The following PARPBP variants were observed in gnomAD, a reference collection of about 807,000 sequenced individuals.
PARPBP encodes PARP1 binding protein.
In PARPBP, 52 loss-of-function variants were observed where a neutral mutation model predicts 50.0. The observed-to-expected ratio is 1.04, with a 90% confidence interval of 0.83 to 1.31. PARPBP has a LOEUF of 1.31. Among genes scored for constraint, PARPBP ranks in the 50% most tolerant of loss-of-function variants. PARPBP has a pLI of 0.00. For synonymous variants in PARPBP, 244 were observed against 232.1 expected, an observed-to-expected ratio of 1.05 and a Z score of -0.47; for missense variants, 697 against 672.0, an observed-to-expected ratio of 1.04 and a Z score of -0.41.
intron 2 of PARPBP, among the ~76,000 whole-genome samples, chr12:102,141,836 C>G (rs1024690150): frequency 2.9e-4 from 44 of 152,162 alleles, no homozygotes; most frequent in Admixed American, 4.6e-4. Context: ...TGGCTTGTAG[C>G]GTTTCTGCCG....
intron 9 of PARPBP, among the ~76,000 whole-genome samples, chr12:102,191,201 C>T (rs1467018703): frequency 6.6e-6 from 1 of 152,072 alleles, no homozygotes; most frequent in Non-Finnish European, 1.5e-5. Flanking sequence ...AGTCAGGTGT[C>T]AGACTTCAAT....
chr12:102,133,875 G>A (rs962562369), intron 2 of PARPBP, among the ~76,000 whole-genome samples: 9 of 151,752 alleles, frequency 5.9e-5, no homozygotes, highest in Non-Finnish European at 1.2e-4. Flanking sequence ...ATTAACCAAC[G>A]GTTCGAAGAA....
rs140043679 is a variant in PARPBP, at chr12:102,148,422, G to T, written c.346G>T (p.Ala116Ser). Residue 116 changes from alanine (A) to serine (S), a missense_variant, in exon 3 of 11, where the codon GCT becomes TCT. Transcript: ENST00000327680. ...DLIDVYQKCR[A>S]LTSNCENYNT... ...GATTGATGTTTATCAAAAATGTAGG[G>T]CTTTGACTTCTAATTGTGAAAATTA... The T allele has an allele frequency of 6.2e-4, 949 of 1,526,322 alleles. 1 individual carries two copies. Among genetic ancestry groups the T allele is most frequent in the Non-Finnish European group, 7.9e-4 (878 of 1,104,614 alleles). 94.5% of individuals were successfully genotyped at this position (1,526,322 alleles called of 1,614,324 possible). A position where few individuals can be genotyped will look rare whatever the true frequency, so the allele number is the denominator to read the frequency against.
chr12:102,135,530 C>T (rs534151540), intron 2 of PARPBP, among the ~76,000 whole-genome samples: 49 of 122,354 alleles, frequency 4.0e-4, no homozygotes, highest in South Asian at 1.3e-3. Context: ...ACAGAGACTC[C>T]GTCTCCAAAA....
intron 6 of PARPBP, among the ~76,000 whole-genome samples, chr12:102,173,392 G>A (rs141105469): frequency 6.6e-6 from 1 of 152,254 alleles, no homozygotes; most frequent in Non-Finnish European, 1.5e-5. Flanking sequence ...CCAATTCAGT[G>A]TAGTAAGACA....
At chr12:102,194,309 A>G (rs1364870495) in intron 9 of PARPBP, among the ~76,000 whole-genome samples, 1 of 151,948 alleles carries the variant, frequency 6.6e-6, no homozygotes, top group Non-Finnish European at 1.5e-5. Flanking sequence ...GAAGTGTTAC[A>G]TTTTTGAATT....
intron 2 of PARPBP, among the ~76,000 whole-genome samples, chr12:102,139,854 G>C (rs554448914): frequency 6.6e-6 from 1 of 152,182 alleles, no homozygotes; most frequent in African/African-American, 2.4e-5. Context: ...TAGTGGATAA[G>C]CTTTTAGATG....
Position 102,120,231 on chromosome 12 carries a change from C to T in PARPBP, c.-59C>T, listed in dbSNP as rs1880767216. The stretch of plus-strand genomic sequence containing the variant: ...CTGCGGCGGCCGCGGGAGGGCATCC[C>T]GTTGGGGATCCTTCCGCACACTGAA... On this transcript the variant is annotated 5_prime_UTR_variant, in exon 1 of 11. Transcript: ENST00000327680. The T allele has an allele frequency of 1.4e-5, 3 of 219,328 alleles. No individual in the cohort carries two copies. The highest frequency in any genetic ancestry group is 1.2e-4 in the South Asian group (3 of 24,164). 13.6% of individuals were successfully genotyped at this position (219,328 alleles called of 1,614,324 possible).
intron 2 of PARPBP, among the ~76,000 whole-genome samples, chr12:102,134,639 A>G (rs1338620233): frequency 6.6e-6 from 1 of 152,002 alleles, no homozygotes; most frequent in Non-Finnish European, 1.5e-5. Context: ...TAGACTTTCT[A>G]TTCATATCCT....
At position 102,153,880 on chromosome 12, in the gene PARPBP, G is replaced by A; in HGVS notation, c.399G>A (p.Leu133=). Reference sequence around the variant, plus strand: ...TATGTTTTCTACAGAGTCAACTACTGGATTTTCTGTCTGGCAAACAGTATG... The same window carrying A: ...TATGTTTTCTACAGAGTCAACTACTAGATTTTCTGTCTGGCAAACAGTATG... ...NYNTVSPSQL[L]DFLSGKQYAV... Residue 133 remains leucine (L), a synonymous_variant, in exon 4 of 11, where the codon CTG becomes CTA. Transcript: ENST00000327680. 6.3e-7 allele frequency: 1 copy of A among 1,595,516 alleles called. No homozygotes were observed. Among genetic ancestry groups the A allele is most frequent in the African/African-American group, 1.3e-5 (1 of 74,582 alleles).
In PARPBP at chr12:102,196,749, C is replaced by T. The variant is rs199546666; in HGVS notation, c.*458C>T. 2.9e-4 allele frequency: 404 copies of T among 1,406,814 alleles called. 1 individual carries two copies. Among genetic ancestry groups the T allele is most frequent in the Non-Finnish European group, 4.8e-5 (48 of 997,622 alleles). 87.1% of individuals were successfully genotyped at this position (1,406,814 alleles called of 1,614,324 possible). ...ATTGTTTAAAGGACTATAATTATCA[C>T]ACAAAATTTATTAAGAAAAAAAGAA... is the stretch of plus-strand genomic sequence containing the variant. On this transcript the variant is annotated 3_prime_UTR_variant, in exon 11 of 11. Coordinates refer to ENST00000327680, the MANE Select transcript of PARPBP (RefSeq NM_017915.5).
Position 102,195,939 on chromosome 12 carries a change from C to G in PARPBP, c.1400-12C>G. ...CATGTAATTCCTTTCCCCTTTTTATCTTGCATAACAGAGGGTGTAAATCCA... is the reference window on the plus strand; with the variant it reads ...CATGTAATTCCTTTCCCCTTTTTATGTTGCATAACAGAGGGTGTAAATCCA... On this transcript the variant is annotated splice_polypyrimidine_tract_variant and intron_variant, in intron 10 of 10. Coordinates refer to ENST00000327680, the MANE Select transcript of PARPBP (RefSeq NM_017915.5). The G allele has an allele frequency of 2.6e-6, 4 of 1,515,192 alleles. No individual in the cohort carries two copies. 93.9% of individuals were successfully genotyped at this position (1,515,192 alleles called of 1,614,324 possible).
At chr12:102,151,521 G>T in intron 3 of PARPBP, 12 of 1,334,162 alleles carry the variant, frequency 9.0e-6, no homozygotes, top group Non-Finnish European at 1.1e-5. Context: ...CCTTTGGGTG[G>T]GTCCCTGATG....
rs568342423 is a variant in PARPBP at position 102,168,800 on chromosome 12, T to C, written c.821+2917T>C. Among the ~76,000 whole-genome samples, 3 of 152,258 alleles carry C rather than the reference T, an allele frequency of 2.0e-5. No homozygotes were observed. The South Asian group carries it at 6.2e-4, about 32-fold the overall frequency. ...GACATTGCTTCACTGGTTATTCATT[T>C]TATCTTATAATTTCAACCTCTCCCT... On this transcript the variant is annotated intron_variant, in intron 6 of 10. Coordinates refer to ENST00000327680, the MANE Select transcript of PARPBP (RefSeq NM_017915.5).
At chr12:102,184,070 AGAATGT>A (rs1890088296) in intron 9 of PARPBP, among the ~76,000 whole-genome samples, 1 of 150,966 alleles carries the variant, frequency 6.6e-6, no homozygotes, top group East Asian at 1.9e-4. Flanking sequence ...AAAAAAAGAA[AGAATGT>A]AAGACATGAC....
At chr12:102,168,314 A>T (rs1206837766) in intron 6 of PARPBP, among the ~76,000 whole-genome samples, 1 of 152,128 alleles carries the variant, frequency 6.6e-6, no homozygotes, top group Non-Finnish European at 1.5e-5. Flanking sequence ...TTTTAGAGGC[A>T]TCTAGGGTGA....
intron 9 of PARPBP, among the ~76,000 whole-genome samples, chr12:102,183,569 A>C (rs772383012): frequency 6.6e-6 from 1 of 152,154 alleles, no homozygotes; most frequent in African/African-American, 2.4e-5. Flanking sequence ...TTCTGTGAAT[A>C]AAATTTGTCA....
At chr12:102,145,308 G>C (rs1334780501) in intron 2 of PARPBP, among the ~76,000 whole-genome samples, 1 of 152,058 alleles carries the variant, frequency 6.6e-6, no homozygotes, top group Non-Finnish European at 1.5e-5. Context: ...CTTGGTGTTA[G>C]TGGAAACTAC....
chr12:102,158,483 T>C (rs903545518), intron 4 of PARPBP, among the ~76,000 whole-genome samples: 1 of 152,222 alleles, frequency 6.6e-6, no homozygotes, highest in African/African-American at 2.4e-5. Flanking sequence ...CATGCTCTAG[T>C]AGACTTTTCA....
Sources: gnomAD v4.1 joint callset for allele counts (sites outside exome capture counted in the v4.1 genomes callset) on GRCh38, gnomAD v4.1.1 for gene constraint, MANE v1.5 for transcripts, NCBI Gene and HGNC (gene_info 2026-07-23, HGNC 2026-07-21) for gene names.